The following RBFOX2 variants were observed in gnomAD, a reference collection of about 807,000 sequenced individuals.
RBFOX2 encodes RNA binding protein fox-1 homolog 2.
A neutral mutation model predicts 49.1 loss-of-function variants in RBFOX2; 10 were observed. The ratio of observed to expected loss-of-function variants is 0.20; its 90% CI spans 0.13 to 0.35. The LOEUF (loss-of-function observed/expected upper bound fraction) is 0.35, where lower values mean the gene tolerates loss of function less well. Among genes scored for constraint, RBFOX2 ranks in the 10% least tolerant of loss-of-function variants. RBFOX2 has a pLI of 1.00. For synonymous variants in RBFOX2, 183 were observed against 187.4 expected (o/e 0.98, Z 0.19); for missense variants, 323 against 486.9 (o/e 0.66, Z 3.17).
chr22:35,972,037 T>C (rs1482434991), intron 1 of RBFOX2, among the ~76,000 whole-genome samples: 3 of 151,676 alleles, frequency 2.0e-5, no homozygotes, highest in African/African-American at 7.3e-5. Flanking sequence ...TCGGAACATA[T>C]TTCTCCCACT....
chr22:35,853,392 T>A (rs1291149701), intron 1 of RBFOX2, among the ~76,000 whole-genome samples: 2 of 152,028 alleles, frequency 1.3e-5, no homozygotes, highest in Non-Finnish European at 2.9e-5. Flanking sequence ...TATGCATGCA[T>A]GTATGAATCT....
chr22:35,751,143 C>G (rs2145952070), intron 9 of RBFOX2, among the ~76,000 whole-genome samples: 1 of 152,296 alleles, frequency 6.6e-6, no homozygotes, highest in African/African-American at 2.4e-5. Context: ...CCTTTATCTG[C>G]ATATTTATTA....
At chr22:35,910,548 C>T (rs899521194) in intron 1 of RBFOX2, among the ~76,000 whole-genome samples, 1 of 151,988 alleles carries the variant, frequency 6.6e-6, no homozygotes, top group South Asian at 2.1e-4. Context: ...TTTTTGTTGC[C>T]CAGAAGGAAT....
chr22:35,973,798 T>C (rs2057004933), intron 1 of RBFOX2, among the ~76,000 whole-genome samples: 1 of 152,180 alleles, frequency 6.6e-6, no homozygotes, highest in Non-Finnish European at 1.5e-5. Context: ...CTTAATCTCA[T>C]ATATTAAGTA....
At chr22:35,856,850 C>A (rs954533625) in intron 1 of RBFOX2, among the ~76,000 whole-genome samples, 1 of 151,894 alleles carries the variant, frequency 6.6e-6, no homozygotes, top group African/African-American at 2.4e-5. Context: ...TTGGGCAACA[C>A]GGTGAAACCC....
At chr22:36,020,665 T>C (rs1021888654) in intron 1 of RBFOX2, among the ~76,000 whole-genome samples, 4 of 152,168 alleles carry the variant, frequency 2.6e-5, no homozygotes, top group Admixed American at 2.6e-4. Context: ...TCACTGGTCA[T>C]CAGAGAAATG....
intron 1 of RBFOX2, among the ~76,000 whole-genome samples, chr22:35,830,320 G>A (rs1440831894): frequency 6.6e-6 from 1 of 152,212 alleles, no homozygotes; most frequent in Non-Finnish European, 1.5e-5. Context: ...GAATGTTAAT[G>A]AAGCACAGAG....
intron 1 of RBFOX2, chr22:35,897,120 T>C: frequency 1.9e-6 from 1 of 518,102 alleles, no homozygotes; most frequent in Non-Finnish European, 3.4e-6. Context: ...CTCATTCTTT[T>C]TTTTTCTTTT....
At chr22:35,982,061 A>C (rs1353871859) in intron 1 of RBFOX2, among the ~76,000 whole-genome samples, 5 of 152,182 alleles carry the variant, frequency 3.3e-5, no homozygotes, top group African/African-American at 1.2e-4. Flanking sequence ...GGGCTTTTAA[A>C]CACCCACATC....
chr22:35,829,459 T>TA (rs561483840), intron 1 of RBFOX2, among the ~76,000 whole-genome samples: 2 of 151,770 alleles, frequency 1.3e-5, no homozygotes, highest in Non-Finnish European at 2.9e-5. Flanking sequence ...ATCTGAGATT[T>TA]AAAAAACACA....
intron 1 of RBFOX2, among the ~76,000 whole-genome samples, chr22:35,986,796 T>A (rs1250165803): frequency 6.6e-6 from 1 of 152,218 alleles, no homozygotes; most frequent in Non-Finnish European, 1.5e-5. Context: ...CTAGCAATGA[T>A]GACTGTGGAC....
rs200396320 is a variant in RBFOX2 at position 36,020,828 on chromosome 22, GAC to G, written c.186+7410_186+7411del. Among the ~76,000 whole-genome samples, 729 of 152,310 alleles carry G rather than the reference GAC, an allele frequency of 4.8e-3. 16 individuals carry two copies. The East Asian group carries it at 0.048, about 10-fold the overall frequency. On this transcript the variant is annotated intron_variant, in intron 1 of 13. Transcript: ENST00000438146. ...GTAAACTAGTTCAACCATTGTGGAA[GAC>G]AGTGTGGCGATTCCTCAAGGATCTA...
At position 35,759,841 on chromosome 22, in the gene RBFOX2, C is replaced by T. The variant is rs769954758; in HGVS notation, c.887+47G>A. 2.5e-6 allele frequency: 4 copies of T among 1,602,988 alleles called. No homozygotes were observed. The South Asian group carries it at 4.4e-5, about 18-fold the overall frequency. On this transcript the variant is annotated intron_variant, in intron 9 of 11. Transcript: ENST00000405409. This position sits in a 1 kb window ranked among gnomAD's most constrained non-coding sequence, Gnocchi z 4.6. Reference sequence around the variant, plus strand: ...AGGGCCATGGTATTCTTTTTTGGTCCAACTGCTTATTTTAGAAACATACTG... The same window carrying T: ...AGGGCCATGGTATTCTTTTTTGGTCTAACTGCTTATTTTAGAAACATACTG...
At chr22:35,782,783 A>T (rs1464855969) in intron 2 of RBFOX2, among the ~76,000 whole-genome samples, 1 of 152,226 alleles carries the variant, frequency 6.6e-6, no homozygotes, top group Non-Finnish European at 1.5e-5. Context: ...CTCATCTGCT[A>T]ATTAGCATAA....
At chr22:35,903,351 A>G (rs569809926) in intron 1 of RBFOX2, among the ~76,000 whole-genome samples, 20 of 152,130 alleles carry the variant, frequency 1.3e-4, no homozygotes, top group African/African-American at 4.8e-4. Context: ...GAGATACTAC[A>G]ATGCCATTTT....
intron 1 of RBFOX2, among the ~76,000 whole-genome samples, chr22:35,949,746 T>C (rs1443094392): frequency 1.3e-5 from 2 of 152,232 alleles, no homozygotes; most frequent in African/African-American, 4.8e-5. Context: ...CCCCTGCCCA[T>C]TTTATAATTG....
chr22:35,817,293 C>T (rs1042265488), intron 1 of RBFOX2, among the ~76,000 whole-genome samples: 5 of 151,960 alleles, frequency 3.3e-5, no homozygotes, highest in Non-Finnish European at 5.9e-5. Context: ...GCCTGGCCAA[C>T]GTGGTGAAAC....
At chr22:35,822,668 A>G (rs149597371) in intron 1 of RBFOX2, 70 of 357,344 alleles carry the variant, frequency 2.0e-4, no homozygotes, top group African/African-American at 1.2e-3. Flanking sequence ...AGCCACTAGC[A>G]AAGTGCAGAA....
intron 1 of RBFOX2, 21 bp downstream of exon 1, chr22:36,028,219 C>CGTTATT: frequency 2.7e-6 from 4 of 1,479,522 alleles, no homozygotes; most frequent in Non-Finnish European, 3.6e-6. Flanking sequence ...AATAACTGGG[C>CGTTATT]GCCCCGTCCC....
Sources: allele counts gnomAD v4.1 joint callset (sites outside exome capture counted in the v4.1 genomes callset), GRCh38; gene constraint gnomAD v4.1.1; non-coding constraint Gnocchi (gnomAD v3.1); transcripts MANE v1.5; gene names NCBI Gene and HGNC (gene_info 2026-07-23, HGNC 2026-07-21).